Variants in KIAA1217 observed in about 807,000 individuals in gnomAD.
KIAA1217 encodes sickle tail protein homolog.
In KIAA1217, 88 loss-of-function variants were observed where a neutral mutation model predicts 163.9. The observed-to-expected ratio is 0.54, with a 90% CI of 0.45 to 0.64. The LOEUF (loss-of-function observed/expected upper bound fraction) is 0.64. Ranked by LOEUF, KIAA1217 falls within the 30% of genes least tolerant of loss-of-function variation. The pLI is 0.00. For missense variants in KIAA1217, 2,372 were observed against 2,475.0 expected (o/e 0.96, Z 0.88); for synonymous variants, 903 against 923.1 (o/e 0.98, Z 0.39).
chr10:23,733,970 T>C (rs1296489091), intron 1 of KIAA1217, among the ~76,000 whole-genome samples: 2 of 152,224 alleles, frequency 1.3e-5, no homozygotes, highest in African/African-American at 4.8e-5. Flanking sequence ...TTCCTGATTG[T>C]TCCTTATCAT....
At chr10:24,091,144 T>G (rs1171197524) in intron 2 of KIAA1217, among the ~76,000 whole-genome samples, 2 of 151,904 alleles carry the variant, frequency 1.3e-5, no homozygotes, top group Admixed American at 6.5e-5. Flanking sequence ...AAATCTGATA[T>G]CCAACAACTG....
chr10:23,960,330 C>T (rs919404239), intron 1 of KIAA1217, among the ~76,000 whole-genome samples: 2 of 147,996 alleles, frequency 1.4e-5, no homozygotes, highest in Admixed American at 6.7e-5. Context: ...GAGATCTCGG[C>T]TTACCGCAAC....
At chr10:24,392,898 CCTTA>C (rs1291859941) in intron 3 of KIAA1217, among the ~76,000 whole-genome samples, 1 of 152,076 alleles carries the variant, frequency 6.6e-6, no homozygotes, top group Non-Finnish European at 1.5e-5. Flanking sequence ...GTTCACCATG[CCTTA>C]CTGTTTTCAT....
At chr10:23,735,684 T>A (rs2130798040) in intron 1 of KIAA1217, among the ~76,000 whole-genome samples, 1 of 152,278 alleles carries the variant, frequency 6.6e-6, no homozygotes, top group Non-Finnish European at 1.5e-5. Flanking sequence ...ATATTATGAT[T>A]ACCATTTCTT....
At chr10:24,483,369 T>G (rs2064950850) in intron 6 of KIAA1217, among the ~76,000 whole-genome samples, 1 of 152,066 alleles carries the variant, frequency 6.6e-6, no homozygotes, top group South Asian at 2.1e-4. Flanking sequence ...CTGCCCACCT[T>G]CCGCCTGTTC....
At chr10:23,705,464 T>G (rs976741350) in intron 1 of KIAA1217, among the ~76,000 whole-genome samples, 1 of 152,200 alleles carries the variant, frequency 6.6e-6, no homozygotes, top group African/African-American at 2.4e-5. Flanking sequence ...TTTATTTTTA[T>G]GCATGTGGAT....
At chr10:24,083,221 C>A (rs866217451) in intron 2 of KIAA1217, among the ~76,000 whole-genome samples, 3 of 152,248 alleles carry the variant, frequency 2.0e-5, no homozygotes, top group African/African-American at 4.8e-5. Context: ...AGCTAAGGGG[C>A]CTTCTCAGGG....
intron 2 of KIAA1217, among the ~76,000 whole-genome samples, chr10:24,067,369 C>A (rs1026912011): frequency 1.7e-4 from 26 of 152,210 alleles, no homozygotes; most frequent in African/African-American, 5.3e-4. Context: ...ACAGACAGGA[C>A]CCTCAGCTGC....
intron 1 of KIAA1217, among the ~76,000 whole-genome samples, chr10:23,818,346 A>ATATAT (rs1491407392): frequency 2.0e-5 from 2 of 97,642 alleles, no homozygotes; most frequent in East Asian, 5.3e-4. Flanking sequence ...ATATATATAT[A>ATATAT]AAAAAATATA....
Position 24,302,070 on chromosome 10 carries a change from G to A in KIAA1217, c.355-78799G>A, listed in dbSNP as rs531220957. ...AAAGAAAAGAAAAGACTGAGAGACA[G>A]CAAACGAGACATAGGGTTTATCAGG... On this transcript the variant is annotated intron_variant, in intron 2 of 20. Transcript: ENST00000376454. 1.6e-3 allele frequency among the ~76,000 whole-genome samples: 238 copies of A among 152,122 alleles called. 1 individual carries two copies. Among genetic ancestry groups the A allele is most frequent in the Non-Finnish European group, 1.6e-3 (111 of 68,002 alleles).
chr10:23,849,279 T>C (rs938305155), intron 1 of KIAA1217, among the ~76,000 whole-genome samples: 15 of 152,112 alleles, frequency 9.9e-5, no homozygotes, highest in Non-Finnish European at 1.9e-4. Context: ...GCTTGGGCTT[T>C]ATTTTCTGGG....
chr10:23,733,452 C>T (rs1838596729), intron 1 of KIAA1217, among the ~76,000 whole-genome samples: 1 of 152,082 alleles, frequency 6.6e-6, no homozygotes, highest in African/African-American at 2.4e-5. Context: ...TTTGTAGATG[C>T]TGGAGTCTTT....
intron 2 of KIAA1217, among the ~76,000 whole-genome samples, chr10:24,109,486 A>G (rs1166022915): frequency 6.6e-6 from 1 of 152,148 alleles, no homozygotes; most frequent in Non-Finnish European, 1.5e-5. Context: ...TCTGTCAATA[A>G]TTCTCTATGT....
chr10:24,057,754 T>G (rs998543834), intron 2 of KIAA1217, among the ~76,000 whole-genome samples: 7 of 152,134 alleles, frequency 4.6e-5, no homozygotes, highest in East Asian at 1.9e-4. Context: ...GATTATTAGG[T>G]TTTTTTGCTA....
chr10:24,423,785 C>T (rs185141229), intron 3 of KIAA1217, among the ~76,000 whole-genome samples: 74 of 152,284 alleles, frequency 4.9e-4, no homozygotes, highest in African/African-American at 1.7e-3. Flanking sequence ...ATCCACCCAC[C>T]TTGGCCTCCG....
intron 1 of KIAA1217, among the ~76,000 whole-genome samples, chr10:23,810,613 A>G (rs1588867438): frequency 8.1e-6 from 1 of 123,688 alleles, no homozygotes; most frequent in East Asian, 2.3e-4. Context: ...AAATTATATA[A>G]ATATATAGTG....
At chr10:23,799,302 C>T (rs1007636103) in intron 1 of KIAA1217, among the ~76,000 whole-genome samples, 2 of 152,090 alleles carry the variant, frequency 1.3e-5, no homozygotes, top group South Asian at 2.1e-4. Context: ...GGAAACTATT[C>T]GACTCCTAAC....
intron 1 of KIAA1217, among the ~76,000 whole-genome samples, chr10:23,804,581 T>A (rs976638754): frequency 2.6e-5 from 4 of 152,216 alleles, no homozygotes; most frequent in Non-Finnish European, 4.4e-5. Flanking sequence ...ATAGGTCTTG[T>A]CCTTGGTGCT....
chr10:23,764,158 A>G (rs1425177905), intron 1 of KIAA1217, among the ~76,000 whole-genome samples: 2 of 152,216 alleles, frequency 1.3e-5, no homozygotes, highest in African/African-American at 2.4e-5. Context: ...ATGAACAGAC[A>G]CTTCTCAAAA....
Sources: gnomAD v4.1 joint callset for allele counts (sites outside exome capture counted in the v4.1 genomes callset) on GRCh38, gnomAD v4.1.1 for gene constraint, MANE v1.5 for transcripts, NCBI Gene and HGNC (gene_info 2026-07-23, HGNC 2026-07-21) for gene names.